The following KDM4C variants were observed in gnomAD, a reference collection of about 807,000 sequenced individuals.
The protein encoded by KDM4C is lysine-specific demethylase 4C.
A neutral mutation model predicts 129.3 loss-of-function variants in KDM4C; 81 were observed. That is an observed-to-expected ratio of 0.63 (90% CI 0.52 to 0.75). The LOEUF (loss-of-function observed/expected upper bound fraction) is 0.75, where lower values mean the gene tolerates loss of function less well. Ranked by LOEUF, KDM4C falls within the 30% of genes least tolerant of loss-of-function variation. The probability of loss-of-function intolerance (pLI) is 0.00; values close to 1 mark genes in which losing one functional copy is unlikely to be tolerated. For synonymous variants in KDM4C, 573 were observed against 456.1 expected, an observed-to-expected ratio of 1.26 and a Z score of -3.26; for missense variants, 1,457 against 1,304.0, an observed-to-expected ratio of 1.12 and a Z score of -1.81.
At chr9:7,064,831 C>G (rs1478616188) in intron 17 of KDM4C, among the ~76,000 whole-genome samples, 5 of 152,044 alleles carry the variant, frequency 3.3e-5, no homozygotes, top group African/African-American at 1.2e-4. Context: ...TATCAGGGGA[C>G]AGTGAACAAC....
chr9:6,791,469 C>T (rs1465596164), intron 1 of KDM4C, among the ~76,000 whole-genome samples: 1 of 152,158 alleles, frequency 6.6e-6, no homozygotes, highest in African/African-American at 2.4e-5. Context: ...TGAAGACAGA[C>T]CTCATCCCTT....
At chr9:6,926,629 C>T (rs1051622194) in intron 8 of KDM4C, among the ~76,000 whole-genome samples, 3 of 152,166 alleles carry the variant, frequency 2.0e-5, no homozygotes, top group Non-Finnish European at 4.4e-5. Context: ...GTAAGGAAGG[C>T]CGGGTGCTAA....
chr9:7,005,435 C>A (rs1252342560), intron 12 of KDM4C, among the ~76,000 whole-genome samples: 254 of 123,896 alleles, frequency 2.1e-3, no homozygotes, highest in South Asian at 2.7e-3. Flanking sequence ...AACTCTGTCT[C>A]AAAAAAAAAA....
chr9:6,831,995 C>G (rs1440125202), intron 4 of KDM4C, among the ~76,000 whole-genome samples: 6 of 152,152 alleles, frequency 3.9e-5, no homozygotes, highest in African/African-American at 1.4e-4. Flanking sequence ...TATTATAAGA[C>G]ATGATGACTT....
At position 7,067,015 on chromosome 9, in the gene KDM4C, A is replaced by T. The variant is rs149331625; in HGVS notation, c.2424+17815A>T. Among the ~76,000 whole-genome samples the T allele has an allele frequency of 3.3e-5, 5 of 152,334 alleles. No individual in the cohort carries two copies. In the East Asian group the frequency reaches 9.6e-4, roughly 29 times the overall value. ...CAGATATTTTTGGAAACAACAAGGAAATTTATATATTTCTCTAAGAATCCT... is the reference window on the plus strand; with the variant it reads ...CAGATATTTTTGGAAACAACAAGGATATTTATATATTTCTCTAAGAATCCT... On this transcript the variant is annotated intron_variant, in intron 17 of 21. Transcript: ENST00000381309.
At chr9:7,076,862 A>G (rs998277759) in intron 17 of KDM4C, 11 of 999,540 alleles carry the variant, frequency 1.1e-5, no homozygotes, top group Middle Eastern at 5.0e-4. Flanking sequence ...AAGGTGCATC[A>G]GGTTAATGAT....
chr9:6,929,323 C>T (rs991021240), intron 8 of KDM4C, among the ~76,000 whole-genome samples: 2 of 152,164 alleles, frequency 1.3e-5, no homozygotes, highest in Non-Finnish European at 2.9e-5. Flanking sequence ...AAACTGAGTG[C>T]CCTTTTACTA....
chr9:6,828,025 C>T lies in KDM4C; in HGVS notation c.435+13280C>T, dbSNP rs1297706827. On this transcript the variant is annotated intron_variant, in intron 4 of 21. Transcript: ENST00000381309. ...GAGGGGTGTTGCCAGAGCAGCACAG[C>T]TGGGATGGTGCAGGAATTGTTGGAA... is the stretch of plus-strand genomic sequence containing the variant. Among the ~76,000 whole-genome samples the T allele has an allele frequency of 3.3e-5, 5 of 152,156 alleles. No individual in the cohort carries two copies. The East Asian group carries it at 9.6e-4, about 29-fold the overall frequency.
chr9:7,112,416 A>G (rs1301923619), intron 18 of KDM4C, among the ~76,000 whole-genome samples: 3 of 152,162 alleles, frequency 2.0e-5, no homozygotes, highest in African/African-American at 7.2e-5. Context: ...GAAGAAACAG[A>G]GACCTGGATT....
intron 4 of KDM4C, among the ~76,000 whole-genome samples, chr9:6,840,112 A>G (rs1836636650): frequency 6.7e-6 from 1 of 148,830 alleles, no homozygotes. Flanking sequence ...TCACTCTGTC[A>G]CCCAGGCTGG....
chr9:7,098,273 A>G (rs1217365435), intron 17 of KDM4C, among the ~76,000 whole-genome samples: 1 of 152,154 alleles, frequency 6.6e-6, no homozygotes, highest in East Asian at 1.9e-4. Flanking sequence ...CTCTTGACCT[A>G]GCTGAGCTCA....
intron 8 of KDM4C, among the ~76,000 whole-genome samples, chr9:6,909,934 T>C (rs934539321): frequency 2.6e-5 from 4 of 152,150 alleles, no homozygotes; most frequent in African/African-American, 9.7e-5. Flanking sequence ...TCTTTGAAAA[T>C]TGCAAGCTGA....
intron 8 of KDM4C, among the ~76,000 whole-genome samples, chr9:6,904,046 C>G (rs998445556): frequency 2.6e-5 from 4 of 152,098 alleles, no homozygotes; most frequent in East Asian, 1.9e-4. Flanking sequence ...TCAGGACCAG[C>G]CTGGCTGACA....
intron 2 of KDM4C, among the ~76,000 whole-genome samples, chr9:6,793,664 C>T (rs994187776): frequency 2.0e-5 from 3 of 151,656 alleles, no homozygotes; most frequent in Admixed American, 6.6e-5. Flanking sequence ...CTCAGCCTCC[C>T]GAAGTAGCTG....
At chr9:6,754,141 G>A (rs995357492), upstream of KDM4C, among the ~76,000 whole-genome samples, 1 of 151,850 alleles carries the variant, frequency 6.6e-6, no homozygotes. Flanking sequence ...CTCCCAAAGT[G>A]TTGGGATTAT....
intron 15 of KDM4C, among the ~76,000 whole-genome samples, chr9:7,027,727 C>G (rs1587024571): frequency 6.6e-6 from 1 of 152,336 alleles, no homozygotes; most frequent in East Asian, 1.9e-4. Context: ...CATCCAGGAG[C>G]TAGGGACTGG....
At chr9:7,044,552 T>C (rs1829103876) in intron 15 of KDM4C, among the ~76,000 whole-genome samples, 1 of 151,850 alleles carries the variant, frequency 6.6e-6, no homozygotes, top group Non-Finnish European at 1.5e-5. Flanking sequence ...ACTCAGTTGA[T>C]TGGATCTAAA....
rs1329272270 is a variant in KDM4C, at chr9:6,758,264, G to C, written c.-18+61G>C. 6.3e-5 allele frequency: 59 copies of C among 938,926 alleles called. No individual in the cohort carries two copies. Among genetic ancestry groups the C allele is most frequent in the Non-Finnish European group, 7.5e-5 (59 of 787,882 alleles). The allele number at this position is 938,926 out of a possible 1,614,324, so 58.2% of individuals were successfully genotyped here. ...GGGGAGGGTCCGGAGAGGTCTTCCC[G>C]GCACTGCCCCCCTCCGCGTGGGGCA... On this transcript the variant is annotated intron_variant, in intron 1 of 21. Coordinates refer to ENST00000381309, the MANE Select transcript of KDM4C (RefSeq NM_015061.6). This position sits in a 1 kb window ranked among gnomAD's most constrained non-coding sequence, Gnocchi z 4.6.
intron 1 of KDM4C, among the ~76,000 whole-genome samples, chr9:6,728,905 G>A (rs1817232773): frequency 6.6e-6 from 1 of 151,186 alleles, no homozygotes; most frequent in Non-Finnish European, 1.5e-5. Flanking sequence ...GAAAAAAATT[G>A]TATGAAAAAA....
Sources: allele counts gnomAD v4.1 joint callset (sites outside exome capture counted in the v4.1 genomes callset), GRCh38; gene constraint gnomAD v4.1.1; non-coding constraint Gnocchi (gnomAD v3.1); transcripts MANE v1.5; gene names NCBI Gene and HGNC (gene_info 2026-07-23, HGNC 2026-07-21).